ASPRV1: variants seen among roughly 807,000 people sequenced by gnomAD.
ASPRV1 encodes the protein retroviral-like aspartic protease 1.
ASPRV1 carries 7 observed loss-of-function variants against 11.0 expected under a neutral mutation model. The ratio of observed to expected loss-of-function variants is 0.64; its 90% CI spans 0.36 to 1.20. The LOEUF (loss-of-function observed/expected upper bound fraction) is 1.20, where lower values mean the gene tolerates loss of function less well. Ranked by LOEUF, ASPRV1 falls within the 50% of genes most tolerant of loss-of-function variation. The probability of loss-of-function intolerance (pLI) is 0.02; values close to 1 mark genes in which losing one functional copy is unlikely to be tolerated. For missense variants in ASPRV1, 299 were observed against 320.0 expected (o/e 0.93, Z 0.50); for synonymous variants, 136 against 138.4 (o/e 0.98, Z 0.12).
the ASPRV1 span, among the ~76,000 whole-genome samples, chr2:70,022,405 G>A: frequency 3.5e-5 from 5 of 144,726 alleles, no homozygotes; most frequent in Non-Finnish European, 7.6e-5. Flanking sequence ...ACACAAGCAG[G>A]CCAGGCACAG....
the ASPRV1 span, among the ~76,000 whole-genome samples, chr2:69,968,130 G>T: frequency 1.3e-5 from 2 of 151,898 alleles, no homozygotes; most frequent in Non-Finnish European, 2.9e-5. Context: ...TTTTAATAGG[G>T]AATAAATAGG....
At chr2:70,047,625 A>C in the ASPRV1 span, among the ~76,000 whole-genome samples, 1 of 152,214 alleles carries the variant, frequency 6.6e-6, no homozygotes, top group Non-Finnish European at 1.5e-5. Flanking sequence ...CGACATAGTC[A>C]CTACACTTCT....
At chr2:69,984,981 C>T in the ASPRV1 span, among the ~76,000 whole-genome samples, 31 of 151,982 alleles carry the variant, frequency 2.0e-4, no homozygotes, top group Admixed American at 1.4e-3. Context: ...CTCAGCCTCC[C>T]GAGTAGCTGG....
At chr2:70,067,899 A>C in the ASPRV1 span, among the ~76,000 whole-genome samples, 1 of 152,216 alleles carries the variant, frequency 6.6e-6, no homozygotes, top group Admixed American at 6.5e-5. Context: ...TAATTTTTCA[A>C]AAAGATTGGG....
chr2:70,058,121 A>G, the ASPRV1 span, among the ~76,000 whole-genome samples: 48 of 152,328 alleles, frequency 3.2e-4, 1 homozygote, highest in South Asian at 9.9e-3. Flanking sequence ...TGGCTTTATC[A>G]GTACCACAAG....
At chr2:70,050,633 AAATT>A in the ASPRV1 span, 1 of 152,192 alleles carries the variant, frequency 6.6e-6, no homozygotes. Context: ...TAACTCTTAC[AAATT>A]AATAAAAAAA....
the ASPRV1 span, among the ~76,000 whole-genome samples, chr2:69,982,631 A>G: frequency 6.6e-6 from 1 of 152,132 alleles, no homozygotes; most frequent in Admixed American, 6.5e-5. Context: ...GGACAGACGC[A>G]CCTGGGTGAG....
the ASPRV1 span, among the ~76,000 whole-genome samples, chr2:69,968,205 T>C: frequency 6.6e-6 from 1 of 152,120 alleles, no homozygotes; most frequent in South Asian, 2.1e-4. Flanking sequence ...ATAAAGTCTA[T>C]TAAAATTTTA....
At chr2:70,069,447 G>GT in the ASPRV1 span, 2 of 152,170 alleles carry the variant, frequency 1.3e-5, 1 homozygote, top group Non-Finnish European at 2.9e-5. Context: ...CCATTTATAT[G>GT]TTTTTGATAT....
the ASPRV1 span, among the ~76,000 whole-genome samples, chr2:70,020,806 A>T: frequency 6.6e-6 from 1 of 152,144 alleles, no homozygotes; most frequent in Non-Finnish European, 1.5e-5. Flanking sequence ...GGGGTGCCTA[A>T]TCAGATGCAT....
the ASPRV1 span, among the ~76,000 whole-genome samples, chr2:70,084,594 A>C: frequency 6.6e-6 from 1 of 152,264 alleles, no homozygotes; most frequent in African/African-American, 2.4e-5. Context: ...GTCACAACTT[A>C]TTAATGGGTT....
At chr2:70,061,003 T>C in the ASPRV1 span, among the ~76,000 whole-genome samples, 3 of 152,080 alleles carry the variant, frequency 2.0e-5, no homozygotes, top group Non-Finnish European at 4.4e-5. Flanking sequence ...GACAAACAGT[T>C]AAGTGGTCTT....
chr2:69,933,642 A>G, the ASPRV1 span, among the ~76,000 whole-genome samples: 3 of 152,194 alleles, frequency 2.0e-5, no homozygotes, highest in Non-Finnish European at 4.4e-5. Context: ...CAGGAGGCTC[A>G]GAAGGAAGGA....
At chr2:69,956,366 T>C (rs1483883845), downstream of ASPRV1, among the ~76,000 whole-genome samples, 1 of 151,086 alleles carries the variant, frequency 6.6e-6, no homozygotes, top group Non-Finnish European at 1.5e-5. Flanking sequence ...GAGGATCACT[T>C]GAGCCCAGGA....
the ASPRV1 span, among the ~76,000 whole-genome samples, chr2:70,036,098 G>C: frequency 6.6e-6 from 1 of 151,760 alleles, no homozygotes; most frequent in South Asian, 2.1e-4. Context: ...TCCACTCCCT[G>C]TCTCTTAGAG....
chr2:69,950,004 T>A, the ASPRV1 span, among the ~76,000 whole-genome samples: 2 of 152,034 alleles, frequency 1.3e-5, no homozygotes, highest in Non-Finnish European at 2.9e-5. Context: ...TTAGTAGGGA[T>A]GGGGTTTCAC....
the ASPRV1 span, among the ~76,000 whole-genome samples, chr2:69,944,831 G>A: frequency 3.3e-5 from 5 of 151,698 alleles, no homozygotes; most frequent in African/African-American, 1.2e-4. Context: ...GATCCTCCTG[G>A]GGATCTAGTG....
the ASPRV1 span, chr2:69,988,917 C>T: frequency 5.2e-6 from 2 of 385,100 alleles, no homozygotes; most frequent in Non-Finnish European, 1.1e-5. Flanking sequence ...GAACGGCTCT[C>T]CTGTTACCAA....
At chr2:70,023,851 G>A in the ASPRV1 span, among the ~76,000 whole-genome samples, 1 of 151,996 alleles carries the variant, frequency 6.6e-6, no homozygotes, top group African/African-American at 2.4e-5. Flanking sequence ...TGCAAAATTA[G>A]TTTTTAAATA....
Sources: gnomAD v4.1 joint callset for allele counts (sites outside exome capture counted in the v4.1 genomes callset) on GRCh38, gnomAD v4.1.1 for gene constraint, MANE v1.5 for transcripts, NCBI Gene and HGNC (gene_info 2026-07-23, HGNC 2026-07-21) for gene names.